KMT2B: variants seen among roughly 807,000 people sequenced by gnomAD.
KMT2B encodes the protein lysine methyltransferase 2B.
KMT2B carries 22 observed loss-of-function variants against 255.3 expected under a neutral mutation model. The observed-to-expected ratio is 0.09, with a 90% CI of 0.06 to 0.12. The LOEUF (loss-of-function observed/expected upper bound fraction) is 0.12, where lower values mean the gene tolerates loss of function less well. Among genes scored for constraint, KMT2B ranks in the 10% least tolerant of loss-of-function variants. The pLI is 1.00. For synonymous variants in KMT2B, 1,730 were observed against 1,498.1 expected (o/e 1.15, Z -3.57); for missense variants, 3,149 against 3,737.0 (o/e 0.84, Z 4.10).
chr19:35,722,634 G>A lies in KMT2B; in HGVS notation c.2638G>A (p.Gly880Ser). 1.9e-6 allele frequency: 3 copies of A among 1,612,746 alleles called. No individual in the cohort carries two copies. Among genetic ancestry groups the A allele is most frequent in the Non-Finnish European group, 1.7e-6 (2 of 1,179,584 alleles). Residue 880 changes from glycine to serine, a missense_variant, in exon 5 of 37, where the codon GGT becomes AGT. This residue lies in a region of KMT2B where 132 missense variants were observed against 174.7 expected (regional missense o/e 0.76). Transcript: ENST00000420124. Reference sequence around the variant, plus strand: ...CTGCCGTCATGCTGCTGTGGCCCTGGGTCAGGCCCGGGCCATGGTGCCTGA... The same window carrying A: ...CTGCCGTCATGCTGCTGTGGCCCTGAGTCAGGCCCGGGCCATGGTGCCTGA... ...HVCRHAAVAL[G>S]QARAMVPEDV...
chr19:35,732,702 T>C lies in KMT2B; in HGVS notation c.6153T>C (p.Ala2051=), dbSNP rs1391208248. 1.2e-6 allele frequency: 2 copies of C among 1,609,178 alleles called. No homozygotes were observed. The highest frequency in any genetic ancestry group is 1.7e-6 in the Non-Finnish European group (2 of 1,178,118). Residue 2051 remains alanine, a synonymous_variant, in exon 28 of 37, where the codon GCT becomes GCC. Transcript: ENST00000420124. ...CCGCCCCTGGTCTGGCCCCCAGCGC[T>C]ACCCCTGGAGCCCCCCGCATTGAAC... ...VVSAPGLAPS[A]TPGAPRIEQL...
rs200240283 is a variant in KMT2B, at chr19:35,731,881, C to T, written c.5438-27C>T. On this transcript the variant is annotated intron_variant, in intron 26 of 36. Transcript: ENST00000420124. ...AGGCTTTGACACAGAGCCCCTACCACCCCAATGCCATTTCTCGCCTCTTCA... is the reference window on the plus strand; with the variant it reads ...AGGCTTTGACACAGAGCCCCTACCATCCCAATGCCATTTCTCGCCTCTTCA... The T allele has an allele frequency of 7.0e-4, 1,079 of 1,545,272 alleles. 2 individuals carry two copies. Among genetic ancestry groups the T allele is most frequent in the Non-Finnish European group, 4.7e-4 (520 of 1,118,216 alleles).
chr19:35,728,307 C>G, intron 19 of KMT2B, 136 bp downstream of exon 19: 3 of 731,006 alleles, frequency 4.1e-6, no homozygotes, highest in Non-Finnish European at 6.9e-6. Flanking sequence ...TGGTGGAACC[C>G]AGGTGAGATT....
At chr19:35,721,840 C>G in intron 3 of KMT2B, 36 bp downstream of exon 3, 1 of 1,516,824 alleles carries the variant, frequency 6.6e-7, no homozygotes, top group Non-Finnish European at 8.8e-7. Context: ...GCACACCCAG[C>G]CATCCAGCCT....
rs1326225582 is a variant in KMT2B, at chr19:35,720,018, C to G, written c.671C>G (p.Pro224Arg). 6.2e-7 allele frequency: 1 copy of G among 1,612,630 alleles called. No individual in the cohort carries two copies. Among genetic ancestry groups the G allele is most frequent in the African/African-American group, 1.3e-5 (1 of 75,038 alleles). ...CCCCGGCGGTCTCGGGGACGGCCCC[C>G]AGGACGGCCAGCAGGCCCCTGCAGG... is the stretch of plus-strand genomic sequence containing the variant. The part of the protein sequence containing the change: ...STPRRSRGRP[P>R]GRPAGPCRRK... Residue 224 changes from proline to arginine, a missense_variant, in exon 3 of 37, where the codon CCA (proline) becomes CGA (arginine). Coordinates refer to ENST00000420124, the MANE Select transcript of KMT2B (RefSeq NM_014727.3).
At position 35,721,693 on chromosome 19, in the gene KMT2B, C is replaced by T. The variant is rs765302675; in HGVS notation, c.2346C>T (p.Ser782=). Residue 782 remains serine (S), a synonymous_variant, in exon 3 of 37, where the codon TCC becomes TCT. Transcript: ENST00000420124. ...AAGCCCGGATTGCGGGCGTGGGTTC[C>T]TTGCCGCTGTCTGGGGTAGAGGAGA... ...LEKARIAGVG[S]LPLSGVEEKM... The T allele has an allele frequency of 1.2e-6, 2 of 1,610,872 alleles. No homozygotes were observed. The highest frequency in any genetic ancestry group is 1.7e-6 in the Non-Finnish European group (2 of 1,178,510).
At position 35,720,550 on chromosome 19, in the gene KMT2B, G is replaced by A. The variant is rs1340343488; in HGVS notation, c.1203G>A (p.Leu401=). ...CTGCGGAAAAGGAAGAGGCAAAGCT[G>A]CCACCACCGCCTCTGACTCCTCCAG... ...MPAAEKEEAK[L]PPPPLTPPAP... Residue 401 remains leucine, a synonymous_variant, in exon 3 of 37, where the codon CTG becomes CTA. Transcript: ENST00000420124. 6.5e-7 allele frequency: 1 copy of A among 1,545,170 alleles called. No individual in the cohort carries two copies. Among genetic ancestry groups the A allele is most frequent in the South Asian group, 1.2e-5 (1 of 83,640 alleles).
Position 35,732,056 on chromosome 19 carries a change from G to C in KMT2B, c.5586G>C (p.Gly1862=). The C allele has an allele frequency of 6.2e-7, 1 of 1,611,720 alleles. No homozygotes were observed. Among genetic ancestry groups the C allele is most frequent in the Non-Finnish European group, 8.5e-7 (1 of 1,179,032 alleles). ...CTCCAGCCCCCCGTTCTTTTTCGGG[G>C]GCTCGAATCAAAGTGCCCAACTACT... ...APPPAPRSFS[G]ARIKVPNYSP... Residue 1862 remains glycine (G), a synonymous_variant, in exon 27 of 37, where the codon GGG becomes GGC. Transcript: ENST00000420124.
At position 35,723,787 on chromosome 19, in the gene KMT2B, C is replaced by G. The variant is rs757686913; in HGVS notation, c.3114C>G (p.Ala1038=). ...LPWDSDESPE[A]SPGPPGPRRG... ...GGGATTCCGATGAATCTCCTGAGGC[C>G]TCCCCTGGTCCTCCAGGCCCACGCC... The change falls in exon 8 of 37, where the codon GCC becomes GCG. Residue 1038 remains alanine, a synonymous_variant. Transcript: ENST00000420124. This position sits in a 1 kb window ranked among gnomAD's most constrained non-coding sequence, Gnocchi z 7.5. 1.1e-5 allele frequency: 17 copies of G among 1,577,400 alleles called. No homozygotes were observed. The highest frequency in any genetic ancestry group is 1.5e-5 in the Non-Finnish European group (17 of 1,160,848).
rs536830676 is a variant in KMT2B at position 35,725,330 on chromosome 19, C to T, written c.3639C>T (p.His1213=). 3.8e-5 allele frequency: 60 copies of T among 1,563,202 alleles called. No individual in the cohort carries two copies. The highest frequency in any genetic ancestry group is 3.4e-4 in the Middle Eastern group (2 of 5,830). The stretch of plus-strand genomic sequence containing the variant: ...TGCTGTGTGCCAGCAAAGGACTCCA[C>T]GAGGTTAGATCTCTGCCTTTCTTCA... ...VCLLCASKGL[H]ELVFCQVCCD... Residue 1213 remains histidine (H), a synonymous_variant, in exon 11 of 37, where the codon CAC becomes CAT. Coordinates refer to ENST00000420124, the MANE Select transcript of KMT2B (RefSeq NM_014727.3). The surrounding 1 kb of genome is among the most constrained non-coding windows in gnomAD (Gnocchi z 4.1).
In KMT2B at chr19:35,727,326, ACCACAGGCC is replaced by A; in HGVS notation, c.4117+61_4117+69del. The A allele has an allele frequency of 6.4e-7, 1 of 1,572,176 alleles. No homozygotes were observed. Among genetic ancestry groups the A allele is most frequent in the Non-Finnish European group, 8.8e-7 (1 of 1,142,798 alleles). On this transcript the variant is annotated intron_variant, in intron 15 of 36. Coordinates refer to ENST00000420124, the MANE Select transcript of KMT2B (RefSeq NM_014727.3). This position sits in a 1 kb window ranked among gnomAD's most constrained non-coding sequence, Gnocchi z 4.2. The stretch of plus-strand genomic sequence containing the variant: ...CAACCCTGTGGGGACCCCTGCCCCC[ACCACAGGCC>A]CCAAGAGGACTGGTGGGCTAAGGGT...
In KMT2B at chr19:35,721,375, C is replaced by T; in HGVS notation, c.2028C>T (p.Ala676=). The T allele has an allele frequency of 2.5e-6, 4 of 1,601,662 alleles. No homozygotes were observed. The highest frequency in any genetic ancestry group is 8.5e-7 in the Non-Finnish European group (1 of 1,175,240). The part of the protein sequence containing the change: ...LTPPPLGAPE[A]PEPEPPPADD... The stretch of plus-strand genomic sequence containing the variant: ...CTCCTCCTCTTGGGGCTCCTGAAGC[C>T]CCTGAGCCAGAGCCTCCTCCTGCCG... Residue 676 remains alanine, a synonymous_variant, in exon 3 of 37, where the codon GCC becomes GCT. Coordinates refer to ENST00000420124, the MANE Select transcript of KMT2B (RefSeq NM_014727.3).
chr19:35,719,344 C>T (rs1969088188), intron 1 of KMT2B, 125 bp from the exon 2 acceptor site: 4 of 703,744 alleles, frequency 5.7e-6, no homozygotes, highest in Non-Finnish European at 9.5e-6. Flanking sequence ...GAGTCTTTTT[C>T]GTTCTTTTTA....
In KMT2B at chr19:35,733,993, T is replaced by A; in HGVS notation, c.7159+121T>A. 4 of 683,610 alleles carry A rather than the reference T, an allele frequency of 5.9e-6. No homozygotes were observed. Among genetic ancestry groups the A allele is most frequent in the Non-Finnish European group, 1.0e-5 (4 of 393,158 alleles). The allele number at this position is 683,610 out of a possible 1,614,324, so 42.3% of individuals were successfully genotyped here. A position where few individuals can be genotyped will look rare whatever the true frequency, so the allele number is the denominator to read the frequency against. On this transcript the variant is annotated intron_variant, in intron 30 of 36. Coordinates refer to ENST00000420124, the MANE Select transcript of KMT2B (RefSeq NM_014727.3). The surrounding 1 kb of genome is among the most constrained non-coding windows in gnomAD (Gnocchi z 4.3). ...TACTCCCAGGGGCCAAGCCTGAGGC[T>A]CGGTGCTAGAGTTAGAGATGACCTT... is the stretch of plus-strand genomic sequence containing the variant.
In KMT2B at chr19:35,733,468, T is replaced by C. The variant is rs1410535754; in HGVS notation, c.6919T>C (p.Ser2307Pro). The C allele has an allele frequency of 6.4e-6, 10 of 1,563,838 alleles. No individual in the cohort carries two copies. The highest frequency in any genetic ancestry group is 8.7e-6 in the Non-Finnish European group (10 of 1,154,448). Residue 2307 changes from serine to proline, a missense_variant, in exon 28 of 37, where the codon TCA becomes CCA. Physicochemically the swap from Ser to Pro is moderately conservative, Grantham distance 74. Transcript: ENST00000420124. The surrounding 1 kb of genome is among the most constrained non-coding windows in gnomAD (Gnocchi z 4.3). ...APRLDEDGEA[S>P]EDTPQVPGLG... is the part of the protein sequence containing the mutation. ...CCGGCTGGATGAAGATGGAGAGGCC[T>C]CAGAGGATACCCCTCAGGTTCCAGG...
intron 8 of KMT2B, 23 bp downstream of exon 8, chr19:35,724,030 T>G (rs1568372573): frequency 1.3e-6 from 2 of 1,548,468 alleles, no homozygotes; most frequent in Non-Finnish European, 1.7e-6. Flanking sequence ...TAATGCTTTC[T>G]CTGTTGATCA....
In KMT2B at chr19:35,723,008, G is replaced by A. The variant is rs760071047; in HGVS notation, c.2736G>A (p.Ala912=). 1.6e-5 allele frequency: 25 copies of A among 1,601,664 alleles called. No homozygotes were observed. The highest frequency in any genetic ancestry group is 6.7e-5 in the East Asian group (3 of 44,646). Residue 912 remains alanine (A), a synonymous_variant, in exon 6 of 37, where the codon GCG becomes GCA. Transcript: ENST00000420124. The surrounding 1 kb of genome is among the most constrained non-coding windows in gnomAD (Gnocchi z 7.5). The part of the protein sequence containing the change: ...QDLATEDTSS[A]SETESVPSRS... ...CTGCTGCAATAGATACATCATCGGCGTCCGAGACTGAGAGTGTCCCGTCAC... is the reference window on the plus strand; with the variant it reads ...CTGCTGCAATAGATACATCATCGGCATCCGAGACTGAGAGTGTCCCGTCAC...
In KMT2B at chr19:35,718,618, T is replaced by G. The variant is rs1171917770; in HGVS notation, c.363+237T>G. Among the ~76,000 whole-genome samples, 4 of 152,144 alleles carry G rather than the reference T, an allele frequency of 2.6e-5. No individual in the cohort carries two copies. The highest frequency in any genetic ancestry group is 5.9e-5 in the Non-Finnish European group (4 of 68,010). On this transcript the variant is annotated intron_variant, in intron 1 of 36. Transcript: ENST00000420124. The surrounding 1 kb of genome is among the most constrained non-coding windows in gnomAD (Gnocchi z 5.0). Reference sequence around the variant, plus strand: ...GCCCGATGTCGGTCCCGCTGAAGTGTCTTGGGCCGATCCTTTTCGGCAGCT... The same window carrying G: ...GCCCGATGTCGGTCCCGCTGAAGTGGCTTGGGCCGATCCTTTTCGGCAGCT...
rs766409506 is a variant in KMT2B, at chr19:35,732,123, C to T, written c.5653C>T (p.Leu1885=). 1.9e-6 allele frequency: 3 copies of T among 1,593,026 alleles called. No individual in the cohort carries two copies. Among genetic ancestry groups the T allele is most frequent in the South Asian group, 1.1e-5 (1 of 88,380 alleles). ...CTTGGGGGGTGTCTCCTTTGGCCCC[C>T]TGCCCTCCCCTGGTGAGCACCGGGC... ...RPLGGVSFGP[L]PSPGSPSSLT... The change falls in exon 27 of 37, where the codon CTG becomes TTG. Residue 1885 remains leucine, a synonymous_variant. Coordinates refer to ENST00000420124, the MANE Select transcript of KMT2B (RefSeq NM_014727.3).
Sources: gnomAD v4.1 joint callset for allele counts (sites outside exome capture counted in the v4.1 genomes callset) on GRCh38, gnomAD v4.1.1 for gene constraint, gnomAD v4.1.1 regional missense constraint, Gnocchi (gnomAD v3.1) non-coding constraint, MANE v1.5 for transcripts, NCBI Gene and HGNC (gene_info 2026-07-23, HGNC 2026-07-21) for gene names.